LGR4: variants seen among roughly 807,000 people sequenced by gnomAD.
LGR4 encodes leucine-rich repeat-containing G protein-coupled receptor 4.
LGR4 carries 44 observed loss-of-function variants against 84.8 expected under a neutral mutation model. That is an observed-to-expected ratio of 0.52 (90% CI 0.41 to 0.67). The LOEUF (loss-of-function observed/expected upper bound fraction) is 0.67. Ranked by LOEUF, LGR4 falls within the 30% of genes least tolerant of loss-of-function variation. The pLI, the probability that LGR4 is intolerant of heterozygous loss-of-function variation, is 0.00. For synonymous variants in LGR4, 429 were observed against 434.3 expected (o/e 0.99, Z 0.15); for missense variants, 1,032 against 1,131.4 (o/e 0.91, Z 1.26).
chr11:27,467,174 A>G (rs1245550613), intron 1 of LGR4, among the ~76,000 whole-genome samples: 4 of 152,160 alleles, frequency 2.6e-5, no homozygotes, highest in Non-Finnish European at 2.9e-5. Context: ...TTCCAGGTGA[A>G]CTGGACAACT....
intron 1 of LGR4, among the ~76,000 whole-genome samples, chr11:27,418,294 A>G (rs1374878433): frequency 1.3e-5 from 2 of 152,252 alleles, no homozygotes; most frequent in African/African-American, 2.4e-5. Flanking sequence ...ACGGCTATTT[A>G]TACGGCCGCA....
Position 27,412,880 on chromosome 11 carries a change from G to A in LGR4, c.186-20C>T, listed in dbSNP as rs770348783. 6 of 1,504,522 alleles carry A rather than the reference G, an allele frequency of 4.0e-6. No homozygotes were observed. The highest frequency in any genetic ancestry group is 5.5e-6 in the Non-Finnish European group (6 of 1,081,754). The allele number at this position is 1,504,522 out of a possible 1,614,324, so 93.2% of individuals were successfully genotyped here. ...ATATCCCTGGAAAACGTAAAGTTAA[G>A]AATATTGTTAATTAAGTGGTATGAA... On this transcript the variant is annotated intron_variant, in intron 1 of 17. Coordinates refer to ENST00000379214, the MANE Select transcript of LGR4 (RefSeq NM_018490.5).
At chr11:27,376,276 T>C (rs769950067) in intron 13 of LGR4, 23 bp downstream of exon 13, 2 of 1,405,120 alleles carry the variant, frequency 1.4e-6, no homozygotes, top group East Asian at 4.6e-5. Context: ...TTTATTGTCT[T>C]TAATAATCAT....
chr11:27,400,507 C>CA (rs1416807163), intron 2 of LGR4, among the ~76,000 whole-genome samples: 1 of 143,892 alleles, frequency 6.9e-6, no homozygotes, highest in Non-Finnish European at 1.5e-5. Context: ...TTTTCTTTTC[C>CA]TTTTTTTTTT....
intron 1 of LGR4, among the ~76,000 whole-genome samples, chr11:27,457,416 G>A (rs901289202): frequency 3.3e-5 from 5 of 152,148 alleles, no homozygotes; most frequent in African/African-American, 1.2e-4. Context: ...AGGGAGCTAA[G>A]AATTCTTCTC....
intron 1 of LGR4, among the ~76,000 whole-genome samples, chr11:27,456,717 A>G (rs1168919066): frequency 1.3e-5 from 2 of 152,188 alleles, no homozygotes; most frequent in Admixed American, 6.5e-5. Context: ...CACTATTAAC[A>G]TGGGAAATGA....
chr11:27,381,179 T>C (rs1289435095), intron 7 of LGR4, among the ~76,000 whole-genome samples: 1 of 152,216 alleles, frequency 6.6e-6, no homozygotes, highest in Non-Finnish European at 1.5e-5. Flanking sequence ...GCTTGGTATC[T>C]ATCAGATCCC....
At chr11:27,389,342 A>G (rs982769727) in intron 4 of LGR4, among the ~76,000 whole-genome samples, 5 of 152,066 alleles carry the variant, frequency 3.3e-5, no homozygotes, top group Non-Finnish European at 5.9e-5. Flanking sequence ...CCTCCACTCC[A>G]TACACTCATC....
chr11:27,469,408 C>T (rs1441416282), intron 1 of LGR4, among the ~76,000 whole-genome samples: 2 of 152,182 alleles, frequency 1.3e-5, no homozygotes, highest in Non-Finnish European at 2.9e-5. Flanking sequence ...GAATTCCATG[C>T]CACGGTTCTG....
Position 27,377,195 on chromosome 11 carries a change from G to A in LGR4, c.1072C>T (p.Leu358Phe). The A allele has an allele frequency of 1.9e-6, 3 of 1,582,362 alleles. No homozygotes were observed. The highest frequency in any genetic ancestry group is 1.7e-4 in the Middle Eastern group (1 of 5,982). Reference protein sequence around the residue: ...LDLSYNNIRDLPSFNGCHALE... With the variant: ...LDLSYNNIRDFPSFNGCHALE... ...GCATGGCAACCATTAAAACTTGGAA[G>A]GTCTCTTATATTATTGTAAGACAAG... The change falls in exon 12 of 18, where the codon CTT becomes TTT. Residue 358 changes from leucine to phenylalanine, a missense_variant. Leu to Phe is a conservative substitution (Grantham distance 22). Coordinates refer to ENST00000379214, the MANE Select transcript of LGR4 (RefSeq NM_018490.5).
At chr11:27,455,474 A>G (rs547978626) in intron 1 of LGR4, among the ~76,000 whole-genome samples, 2 of 152,272 alleles carry the variant, frequency 1.3e-5, no homozygotes, top group South Asian at 2.1e-4. Context: ...ACAGGTTAAT[A>G]TAATATACAC....
Position 27,368,223 on chromosome 11 carries a change from C to T in LGR4, c.2500G>A (p.Gly834Ser). 4 of 1,614,234 alleles carry T rather than the reference C, an allele frequency of 2.5e-6. No individual in the cohort carries two copies. The highest frequency in any genetic ancestry group is 3.4e-6 in the Non-Finnish European group (4 of 1,180,028). The change falls in exon 18 of 18, where the codon GGT becomes AGT. Residue 834 changes from glycine (G) to serine (S), a missense_variant. Gly to Ser is a moderately conservative substitution (Grantham distance 56). Transcript: ENST00000379214. Reference protein sequence around the residue: ...GSVSVSISSQGGCLEQDFYYD... With the variant: ...GSVSVSISSQSGCLEQDFYYD... ...TAGAAATCCTGTTCCAGACAACCAC[C>T]TTGGCTACTGATGGAAACTGAAACT... is the stretch of plus-strand genomic sequence containing the variant.
intron 1 of LGR4, among the ~76,000 whole-genome samples, chr11:27,462,231 G>A (rs116714034): frequency 2.3e-3 from 352 of 152,158 alleles, no homozygotes; most frequent in African/African-American, 8.0e-3. Context: ...TTAAAGGATG[G>A]GCTATCACAC....
intron 5 of LGR4, among the ~76,000 whole-genome samples, chr11:27,384,887 C>CAAA (rs1863158796): frequency 6.6e-6 from 1 of 152,082 alleles, no homozygotes; most frequent in Non-Finnish European, 1.5e-5. Flanking sequence ...ACTCTCTGAA[C>CAAA]AAGTGGAAAA....
At chr11:27,405,435 A>G (rs1408458170) in intron 2 of LGR4, among the ~76,000 whole-genome samples, 1 of 152,040 alleles carries the variant, frequency 6.6e-6, no homozygotes, top group African/African-American at 2.4e-5. Context: ...TGTTTCCAGT[A>G]ATGACCTCAA....
chr11:27,374,879 A>G (rs568206364), intron 13 of LGR4, among the ~76,000 whole-genome samples: 6 of 152,178 alleles, frequency 3.9e-5, no homozygotes, highest in African/African-American at 1.4e-4. Context: ...CTACCAATTA[A>G]ATAGTTTCTA....
Position 27,472,175 on chromosome 11 carries a change from C to A in LGR4, c.128G>T (p.Cys43Phe), listed in dbSNP as rs1323657891. The change falls in exon 1 of 18, where the codon TGC becomes TTC. Residue 43 changes from cysteine (C) to phenylalanine (F), a missense_variant. Cys to Phe is a radical substitution (Grantham distance 205, BLOSUM62 -2). Transcript: ENST00000379214. Reference protein sequence around the residue: ...CSCDGDRRVDCSGKGLTAVPE... With the variant: ...CSCDGDRRVDFSGKGLTAVPE... The stretch of plus-strand genomic sequence containing the variant: ...CACGGCCGTCAGCCCCTTCCCGGAG[C>A]AGTCCACCCGACGGTCGCCGTCGCA... The A allele has an allele frequency of 2.1e-6, 3 of 1,417,652 alleles. No homozygotes were observed. Among genetic ancestry groups the A allele is most frequent in the Non-Finnish European group, 2.8e-6 (3 of 1,086,222 alleles). 87.8% of individuals were successfully genotyped at this position (1,417,652 alleles called of 1,614,324 possible). A position where few individuals can be genotyped will look rare whatever the true frequency, so the allele number is the denominator to read the frequency against.
chr11:27,420,668 C>T (rs1398570821), intron 1 of LGR4, among the ~76,000 whole-genome samples: 2 of 151,882 alleles, frequency 1.3e-5, no homozygotes, highest in Admixed American at 6.6e-5. Context: ...TACACACACA[C>T]CTATATATGT....
intron 1 of LGR4, among the ~76,000 whole-genome samples, chr11:27,421,605 G>C (rs760518143): frequency 4.6e-5 from 7 of 152,176 alleles, no homozygotes; most frequent in African/African-American, 7.2e-5. Context: ...CAAAAGGTAT[G>C]TGTGGCTTAA....
Sources: gnomAD v4.1 joint callset for allele counts (sites outside exome capture counted in the v4.1 genomes callset) on GRCh38, gnomAD v4.1.1 for gene constraint, MANE v1.5 for transcripts, NCBI Gene and HGNC (gene_info 2026-07-23, HGNC 2026-07-21) for gene names.